Variants in GLIS3 observed in about 807,000 individuals in gnomAD.
The protein encoded by GLIS3 is zinc finger protein GLIS3.
GLIS3 carries 53 observed loss-of-function variants against 78.6 expected under a neutral mutation model. The ratio of observed to expected loss-of-function variants is 0.67; its 90% CI spans 0.54 to 0.85. GLIS3 has a LOEUF of 0.85. GLIS3 is among the 40% of genes least tolerant of loss of function. The pLI, the probability that GLIS3 is intolerant of heterozygous loss-of-function variation, is 0.00. For synonymous variants in GLIS3, 684 were observed against 509.9 expected, an observed-to-expected ratio of 1.34 and a Z score of -4.60; for missense variants, 1,703 against 1,231.1, an observed-to-expected ratio of 1.38 and a Z score of -5.74.
At chr9:3,905,917 G>A (rs1823664814) in intron 6 of GLIS3, among the ~76,000 whole-genome samples, 1 of 152,098 alleles carries the variant, frequency 6.6e-6, no homozygotes, top group Non-Finnish European at 1.5e-5. Context: ...CTATCTACAT[G>A]CTCCCCACAT....
chr9:3,878,254 T>A (rs1821459468), intron 8 of GLIS3, among the ~76,000 whole-genome samples: 1 of 151,954 alleles, frequency 6.6e-6, no homozygotes, highest in Admixed American at 6.6e-5. Flanking sequence ...CTCTATTACA[T>A]CATTTAACCA....
chr9:4,269,137 A>G (rs1167983865), intron 2 of GLIS3, among the ~76,000 whole-genome samples: 6 of 152,196 alleles, frequency 3.9e-5, no homozygotes, highest in African/African-American at 1.2e-4. Context: ...GACAACTCCA[A>G]TCCTTCATGT....
intron 2 of GLIS3, among the ~76,000 whole-genome samples, chr9:4,330,060 T>G (rs1817662715): frequency 6.6e-6 from 1 of 152,236 alleles, no homozygotes; most frequent in East Asian, 1.9e-4. Context: ...AAATTAACAC[T>G]TTCCATCAGG....
chr9:4,250,110 G>T (rs998586310), intron 2 of GLIS3, among the ~76,000 whole-genome samples: 4 of 152,134 alleles, frequency 2.6e-5, no homozygotes, highest in Non-Finnish European at 4.4e-5. Context: ...CCAGGTTTTG[G>T]TATCAGGATG....
the GLIS3 span, among the ~76,000 whole-genome samples, chr9:4,415,147 T>C: frequency 6.6e-6 from 1 of 152,212 alleles, no homozygotes; most frequent in African/African-American, 2.4e-5. Context: ...CCTCAGAGAC[T>C]ATGATAGAAG....
chr9:4,099,614 C>G (rs1186115675), intron 4 of GLIS3, among the ~76,000 whole-genome samples: 1 of 152,132 alleles, frequency 6.6e-6, no homozygotes, highest in East Asian at 1.9e-4. Flanking sequence ...GTGATGACTT[C>G]AACATACCTC....
chr9:4,062,220 G>T (rs748690529), intron 4 of GLIS3, among the ~76,000 whole-genome samples: 26 of 152,188 alleles, frequency 1.7e-4, no homozygotes, highest in Admixed American at 3.3e-4. Flanking sequence ...CTGTGCCTTA[G>T]CGACTAATTT....
At chr9:4,297,089 G>A (rs1423434692) in intron 1 of GLIS3, among the ~76,000 whole-genome samples, 2 of 151,440 alleles carry the variant, frequency 1.3e-5, no homozygotes, top group East Asian at 3.9e-4. Context: ...GAAGTAGGAA[G>A]GTTTAAACCA....
chr9:4,461,631 G>T, the GLIS3 span, among the ~76,000 whole-genome samples: 15 of 152,070 alleles, frequency 9.9e-5, no homozygotes, highest in African/African-American at 3.6e-4. Context: ...TTCAGGCTTG[G>T]TCATGTGACT....
At chr9:4,351,079 C>T (rs1415877582), upstream of GLIS3, among the ~76,000 whole-genome samples, 2 of 152,082 alleles carry the variant, frequency 1.3e-5, no homozygotes, top group Admixed American at 1.3e-4. Context: ...TAATCCATTT[C>T]TTTCTGATTC....
At chr9:4,173,179 C>G (rs1816518914) in intron 2 of GLIS3, among the ~76,000 whole-genome samples, 1 of 152,072 alleles carries the variant, frequency 6.6e-6, no homozygotes, top group African/African-American at 2.4e-5. Flanking sequence ...TGGTGTCATA[C>G]TAATATCACC....
intron 4 of GLIS3, among the ~76,000 whole-genome samples, chr9:4,045,786 G>C (rs1050809928): frequency 6.6e-6 from 1 of 152,168 alleles, no homozygotes; most frequent in African/African-American, 2.4e-5. Flanking sequence ...ATGAGTCCTT[G>C]CAACAGAGAT....
intron 2 of GLIS3, among the ~76,000 whole-genome samples, chr9:4,130,812 T>A (rs1238439922): frequency 6.6e-6 from 1 of 152,080 alleles, no homozygotes; most frequent in Non-Finnish European, 1.5e-5. Flanking sequence ...AATGGAGCTG[T>A]GACAAGAGGG....
intron 2 of GLIS3, among the ~76,000 whole-genome samples, chr9:4,259,016 C>T (rs575424371): frequency 6.6e-6 from 1 of 152,268 alleles, no homozygotes; most frequent in East Asian, 1.9e-4. Flanking sequence ...CCAATGGACC[C>T]TTGTGGGTTT....
rs372522844 is a variant in GLIS3, at chr9:3,865,692, G to C, written c.2298-9508C>G. 4.6e-5 allele frequency among the ~76,000 whole-genome samples: 7 copies of C among 152,134 alleles called. No homozygotes were observed. In the East Asian group the frequency reaches 1.3e-3, roughly 29 times the overall value. ...CTCACTTTCCTGACTGAAAATCCAA[G>C]GGGACTAAGAAGACATCATCTTGGG... is the stretch of plus-strand genomic sequence containing the variant. On this transcript the variant is annotated intron_variant, in intron 8 of 10. Coordinates refer to ENST00000381971, the MANE Select transcript of GLIS3 (RefSeq NM_001042413.2).
At chr9:4,345,438 C>G (rs756209531) in intron 2 of GLIS3, among the ~76,000 whole-genome samples, 1 of 152,086 alleles carries the variant, frequency 6.6e-6, no homozygotes, top group Non-Finnish European at 1.5e-5. Flanking sequence ...TATTGTCTGG[C>G]TCTCCCATTA....
At chr9:4,158,333 A>C (rs1457835020) in intron 2 of GLIS3, among the ~76,000 whole-genome samples, 1 of 152,166 alleles carries the variant, frequency 6.6e-6, no homozygotes, top group Admixed American at 6.5e-5. Context: ...CATGTGTCCA[A>C]AGAGGGCAGA....
chr9:4,452,588 A>G, the GLIS3 span, among the ~76,000 whole-genome samples: 10 of 152,334 alleles, frequency 6.6e-5, no homozygotes, highest in African/African-American at 2.2e-4. Flanking sequence ...AAGAGGACAA[A>G]ATACCTAGGA....
chr9:4,389,082 T>C, the GLIS3 span, among the ~76,000 whole-genome samples: 2 of 152,196 alleles, frequency 1.3e-5, no homozygotes, highest in Non-Finnish European at 2.9e-5. Flanking sequence ...ATTGGATGAA[T>C]GACCCAGCAG....
Sources: gnomAD v4.1 joint callset for allele counts (sites outside exome capture counted in the v4.1 genomes callset) on GRCh38, gnomAD v4.1.1 for gene constraint, MANE v1.5 for transcripts, NCBI Gene and HGNC (gene_info 2026-07-23, HGNC 2026-07-21) for gene names.